DCLK2: variants seen among roughly 807,000 people sequenced by gnomAD.
DCLK2 encodes serine/threonine-protein kinase DCLK2.
DCLK2 carries 31 observed loss-of-function variants against 78.4 expected under a neutral mutation model. The observed-to-expected ratio is 0.40, with a 90% CI of 0.30 to 0.53. The LOEUF is 0.53. Among genes scored for constraint, DCLK2 ranks in the 20% least tolerant of loss-of-function variants. The probability of loss-of-function intolerance (pLI) is 0.61; values close to 1 mark genes in which losing one functional copy is unlikely to be tolerated. For synonymous variants in DCLK2, 407 were observed against 374.9 expected, an observed-to-expected ratio of 1.09 and a Z score of -0.99; for missense variants, 872 against 973.7, an observed-to-expected ratio of 0.90 and a Z score of 1.39.
At chr4:150,104,482 T>C (rs1289576482) in intron 2 of DCLK2, among the ~76,000 whole-genome samples, 1 of 143,930 alleles carries the variant, frequency 6.9e-6, no homozygotes, top group Non-Finnish European at 1.5e-5. Flanking sequence ...TAAATAGTTA[T>C]CAAAAAAATT....
chr4:150,112,699 T>A (rs1409489186), intron 2 of DCLK2, among the ~76,000 whole-genome samples: 1 of 151,884 alleles, frequency 6.6e-6, no homozygotes, highest in South Asian at 2.1e-4. Context: ...ATGCTCATAT[T>A]TTTTTTTAAT....
intron 2 of DCLK2, among the ~76,000 whole-genome samples, chr4:150,123,476 A>C (rs892827797): frequency 6.6e-6 from 1 of 152,214 alleles, no homozygotes; most frequent in African/African-American, 2.4e-5. Context: ...CAAAATGATT[A>C]CAGTAGTAAC....
chr4:150,130,556 GT>G (rs1170387145), intron 2 of DCLK2, among the ~76,000 whole-genome samples: 7 of 152,262 alleles, frequency 4.6e-5, no homozygotes, highest in African/African-American at 1.4e-4. Context: ...TGAGGACATA[GT>G]AGGAAATAAG....
chr4:150,247,566 C>G (rs754618759), intron 12 of DCLK2, 37 bp from the exon 13 acceptor site: 5 of 1,593,278 alleles, frequency 3.1e-6, no homozygotes, highest in Non-Finnish European at 4.3e-6. Context: ...TCTACGGTGA[C>G]TTTGACTTTT....
chr4:150,156,749 A>ATTTAT (rs1263211608), intron 2 of DCLK2, among the ~76,000 whole-genome samples: 1 of 68,838 alleles, frequency 1.5e-5, no homozygotes, highest in Non-Finnish European at 3.7e-5. Flanking sequence ...TATTTTATTT[A>ATTTAT]TTTATTTATT....
intron 15 of DCLK2, among the ~76,000 whole-genome samples, chr4:150,250,084 A>G (rs1464705256): frequency 6.6e-6 from 1 of 152,202 alleles, no homozygotes; most frequent in Non-Finnish European, 1.5e-5. Flanking sequence ...ATTCTTTGAG[A>G]CTTGGGATAA....
In DCLK2 at chr4:150,256,576, C is replaced by G. The variant is rs998315179; in HGVS notation, c.*329C>G. ...AGGAGAATGTGCAACTTTATTCCAG[C>G]ATTCGATGCATTTTTATAGAAACAC... is the stretch of plus-strand genomic sequence containing the variant. On this transcript the variant is annotated 3_prime_UTR_variant, in exon 16 of 16. Transcript: ENST00000296550. 1 of 298,480 alleles carries G rather than the reference C, an allele frequency of 3.4e-6. No homozygotes were observed. Among genetic ancestry groups the G allele is most frequent in the Non-Finnish European group, 6.1e-6 (1 of 163,252 alleles). 18.5% of individuals were successfully genotyped at this position (298,480 alleles called of 1,614,324 possible). A position where few individuals can be genotyped will look rare whatever the true frequency, so the allele number is the denominator to read the frequency against.
At chr4:150,184,727 G>A (rs1048871100) in intron 2 of DCLK2, among the ~76,000 whole-genome samples, 5 of 151,530 alleles carry the variant, frequency 3.3e-5, no homozygotes, top group South Asian at 4.2e-4. Context: ...TTAGCCTCCC[G>A]AGTAGCTGGG....
intron 7 of DCLK2, among the ~76,000 whole-genome samples, chr4:150,224,258 G>A (rs575903606): frequency 1.9e-4 from 29 of 151,748 alleles, no homozygotes; most frequent in Admixed American, 3.3e-4. Context: ...TCCTTCCTGG[G>A]TCTGTGCTGT....
intron 14 of DCLK2, 89 bp from the exon 15 acceptor site, chr4:150,249,479 T>G: frequency 9.5e-7 from 1 of 1,058,074 alleles, no homozygotes; most frequent in Non-Finnish European, 1.5e-6. Context: ...AGGAGGGTGG[T>G]TGAGGCGGGG....
intron 1 of DCLK2, among the ~76,000 whole-genome samples, chr4:150,102,155 A>G (rs190802531): frequency 1.4e-4 from 22 of 152,340 alleles, no homozygotes; most frequent in Admixed American, 4.6e-4. Flanking sequence ...TTAGAATTCA[A>G]CTGGTTCATC....
chr4:150,156,643 C>A (rs1018094547), intron 2 of DCLK2, among the ~76,000 whole-genome samples: 5 of 151,794 alleles, frequency 3.3e-5, no homozygotes, highest in Non-Finnish European at 7.4e-5. Context: ...CACCTGCAGC[C>A]TCGACAATAG....
intron 5 of DCLK2, among the ~76,000 whole-genome samples, chr4:150,218,013 G>T (rs184187532): frequency 2.0e-5 from 3 of 152,198 alleles, no homozygotes; most frequent in Admixed American, 2.0e-4. Flanking sequence ...GTGGCCCTTC[G>T]CTTGGCCCCA....
In DCLK2 at chr4:150,102,718, C is replaced by A. The variant is rs756910394; in HGVS notation, c.662C>A (p.Ala221Asp). 1 of 1,614,136 alleles carries A rather than the reference C, an allele frequency of 6.2e-7. No individual in the cohort carries two copies. Among genetic ancestry groups the A allele is most frequent in the South Asian group, 1.1e-5 (1 of 91,086 alleles). Residue 221 changes from alanine (A) to aspartate (D), a missense_variant, in exon 2 of 16, where the codon GCT (alanine) becomes GAT (aspartate). Around this residue, in one of 3 missense-constraint regions of DCLK2, gnomAD observed 567 missense variants for 593.4 expected, o/e 0.96. Transcript: ENST00000296550. ...AVRILLNKKT[A>D]HSFEQVLTDI... Reference sequence around the variant, plus strand: ...CGGATCCTTCTGAATAAAAAGACTGCTCATTCCTTTGAACAAGTCTTAACA... The same window carrying A: ...CGGATCCTTCTGAATAAAAAGACTGATCATTCCTTTGAACAAGTCTTAACA...
chr4:150,224,428 A>G, intron 7 of DCLK2, 73 bp from the exon 8 acceptor site: 1 of 1,433,684 alleles, frequency 7.0e-7, no homozygotes. Context: ...ATTAAAGTAT[A>G]AAAAAGAAAG....
chr4:150,252,733 G>A (rs1279786113), intron 15 of DCLK2, among the ~76,000 whole-genome samples: 1 of 152,212 alleles, frequency 6.6e-6, no homozygotes, highest in African/African-American at 2.4e-5. Flanking sequence ...ATTGTTTGCA[G>A]CTCTGATGGT....
At chr4:150,118,528 T>C (rs1254100524) in intron 2 of DCLK2, among the ~76,000 whole-genome samples, 1 of 152,194 alleles carries the variant, frequency 6.6e-6, no homozygotes, top group Non-Finnish European at 1.5e-5. Context: ...ATTTTTATAA[T>C]TGACTATTCC....
chr4:150,088,753 G>T (rs1353185166), intron 1 of DCLK2, among the ~76,000 whole-genome samples: 1 of 152,196 alleles, frequency 6.6e-6, no homozygotes, highest in African/African-American at 2.4e-5. Context: ...GTGACAGGTT[G>T]CAGTCAAAAT....
intron 8 of DCLK2, among the ~76,000 whole-genome samples, chr4:150,231,379 C>A (rs1428386843): frequency 6.6e-6 from 1 of 152,204 alleles, no homozygotes; most frequent in Non-Finnish European, 1.5e-5. Context: ...AGAAACACAA[C>A]CTACCATGTG....
Sources: allele counts gnomAD v4.1 joint callset (sites outside exome capture counted in the v4.1 genomes callset), GRCh38; gene constraint gnomAD v4.1.1; regional missense constraint gnomAD v4.1.1; transcripts MANE v1.5; gene names NCBI Gene and HGNC (gene_info 2026-07-23, HGNC 2026-07-21).